Variants in CPQ observed in about 807,000 individuals in gnomAD.
The protein encoded by CPQ is carboxypeptidase Q.
Under a neutral mutation model 45.7 loss-of-function variants are expected in CPQ, and 37 were observed. That is an observed-to-expected ratio of 0.81 (90% CI 0.62 to 1.07). CPQ has a LOEUF of 1.07. Among genes scored for constraint, CPQ ranks in the 50% least tolerant of loss-of-function variants. The pLI is 0.00. For synonymous variants in CPQ, 186 were observed against 205.8 expected (o/e 0.90, Z 0.82); for missense variants, 537 against 572.9 (o/e 0.94, Z 0.64).
intron 7 of CPQ, among the ~76,000 whole-genome samples, chr8:97,125,470 C>A (rs1161551116): frequency 1.3e-5 from 2 of 152,040 alleles, no homozygotes; most frequent in Admixed American, 1.3e-4. Flanking sequence ...AATATAGACA[C>A]AAAAATTCTT....
chr8:96,735,000 C>A (rs1219163647), intron 1 of CPQ, among the ~76,000 whole-genome samples: 2 of 152,040 alleles, frequency 1.3e-5, no homozygotes, highest in Non-Finnish European at 2.9e-5. Context: ...CTCTCTCTGC[C>A]TGGCTAACCT....
chr8:96,973,169 G>T (rs970565291), intron 5 of CPQ, among the ~76,000 whole-genome samples: 1 of 151,896 alleles, frequency 6.6e-6, no homozygotes, highest in Admixed American at 6.6e-5. Flanking sequence ...CAGTGAAATA[G>T]ACAGCATAAA....
At chr8:96,650,313 C>T (rs541857328) in intron 1 of CPQ, among the ~76,000 whole-genome samples, 74 of 152,278 alleles carry the variant, frequency 4.9e-4, no homozygotes, top group African/African-American at 1.7e-3. Context: ...CTATGACAAA[C>T]AGGTGTTAAA....
At chr8:96,839,219 C>T (rs186346339) in intron 3 of CPQ, among the ~76,000 whole-genome samples, 45 of 152,090 alleles carry the variant, frequency 3.0e-4, no homozygotes, top group Admixed American at 2.0e-3. Flanking sequence ...TATCATCAGC[C>T]ATTTTGGGTC....
At chr8:97,055,767 A>G (rs1347334003) in intron 6 of CPQ, 1 of 152,208 alleles carries the variant, frequency 6.6e-6, no homozygotes, top group African/African-American at 2.4e-5. Flanking sequence ...TAGCCCTGTA[A>G]GGCTTATTTC....
At chr8:96,985,449 T>C (rs548922947) in intron 5 of CPQ, among the ~76,000 whole-genome samples, 79 of 152,322 alleles carry the variant, frequency 5.2e-4, no homozygotes, top group Admixed American at 1.9e-3. Context: ...TTCTGTGTGA[T>C]TTTCTCAGGA....
intron 1 of CPQ, among the ~76,000 whole-genome samples, chr8:96,672,097 CTA>C (rs34539083): frequency 0.62 from 94,303 of 151,738 alleles, 29,716 homozygotes; most frequent in Non-Finnish European, 0.68. Context: ...TAAAAATAAA[CTA>C]TGAAAACAAA....
chr8:96,727,899 TCAA>T (rs1427504579), intron 1 of CPQ, among the ~76,000 whole-genome samples: 1 of 152,176 alleles, frequency 6.6e-6, no homozygotes, highest in Non-Finnish European at 1.5e-5. Flanking sequence ...CCTTTGAGTG[TCAA>T]CAATAGATTT....
At chr8:97,122,106 G>C (rs1394399508) in intron 7 of CPQ, among the ~76,000 whole-genome samples, 1 of 151,838 alleles carries the variant, frequency 6.6e-6, no homozygotes, top group Non-Finnish European at 1.5e-5. Flanking sequence ...AAAATGTCAG[G>C]GTAATGGCAA....
intron 4 of CPQ, among the ~76,000 whole-genome samples, chr8:96,898,754 T>C (rs1812476060): frequency 7.4e-6 from 1 of 135,492 alleles, no homozygotes; most frequent in Non-Finnish European, 1.6e-5. Context: ...TGTGCACATG[T>C]ACCCTAAAAC....
At chr8:97,028,967 A>G (rs1809847841) in intron 5 of CPQ, among the ~76,000 whole-genome samples, 2 of 152,340 alleles carry the variant, frequency 1.3e-5, no homozygotes, top group South Asian at 4.1e-4. Context: ...CAGACTAAAA[A>G]GTAATCTACA....
chr8:97,041,076 G>T (rs1423950774), intron 6 of CPQ, among the ~76,000 whole-genome samples: 1 of 152,216 alleles, frequency 6.6e-6, no homozygotes, highest in East Asian at 1.9e-4. Context: ...GCCTTGGGCA[G>T]TATGGACATT....
At chr8:96,652,633 AT>A (rs942825846) in intron 1 of CPQ, among the ~76,000 whole-genome samples, 3 of 151,406 alleles carry the variant, frequency 2.0e-5, no homozygotes, top group East Asian at 3.9e-4. Flanking sequence ...TGTCACCAGA[AT>A]TTTTTTTTGT....
At chr8:96,944,254 T>A (rs564844365) in intron 4 of CPQ, among the ~76,000 whole-genome samples, 2 of 152,290 alleles carry the variant, frequency 1.3e-5, no homozygotes, top group African/African-American at 2.4e-5. Flanking sequence ...GGTCTCATTA[T>A]GGTTCATACC....
chr8:96,896,125 T>A (rs138964181), intron 4 of CPQ, among the ~76,000 whole-genome samples: 1 of 152,272 alleles, frequency 6.6e-6, no homozygotes, highest in African/African-American at 2.4e-5. Context: ...CTGGACCCAG[T>A]GCTTTCTCCA....
At chr8:96,854,530 C>CAAAAAAAAAAAAAAAAAAAAAAAAAAAA (rs1156706371) in intron 3 of CPQ, among the ~76,000 whole-genome samples, 4 of 8,698 alleles carry the variant, frequency 4.6e-4, no homozygotes, top group Admixed American at 2.3e-3. Context: ...GACTCCGTCT[C>CAAAAAAAAAAAAAAAAAAAAAAAAAAAA]AAAAAAAAAA....
At chr8:96,739,566 G>A (rs1810050789) in intron 1 of CPQ, among the ~76,000 whole-genome samples, 1 of 116,602 alleles carries the variant, frequency 8.6e-6, no homozygotes, top group East Asian at 2.4e-4. Flanking sequence ...TAATGCCTAG[G>A]TTTTCTTCTA....
intron 1 of CPQ, among the ~76,000 whole-genome samples, chr8:96,669,119 T>G (rs1186327051): frequency 6.6e-6 from 1 of 152,202 alleles, no homozygotes; most frequent in Non-Finnish European, 1.5e-5. Context: ...GTAGAGGTAC[T>G]TTCCTTCCCA....
intron 5 of CPQ, among the ~76,000 whole-genome samples, chr8:96,967,478 C>T (rs1338093568): frequency 1.3e-5 from 2 of 152,134 alleles, no homozygotes; most frequent in Non-Finnish European, 1.5e-5. Flanking sequence ...TTGAATCTTA[C>T]TTCTTCGGTA....
Sources: gnomAD v4.1 joint callset for allele counts (sites outside exome capture counted in the v4.1 genomes callset) on GRCh38, gnomAD v4.1.1 for gene constraint, MANE v1.5 for transcripts, NCBI Gene and HGNC (gene_info 2026-07-23, HGNC 2026-07-21) for gene names.